The following AGAP1 variants were observed in gnomAD, a reference collection of about 807,000 sequenced individuals.
AGAP1 encodes ArfGAP with GTPase domain, ankyrin repeat and PH domain 1.
Under a neutral mutation model 105.3 loss-of-function variants are expected in AGAP1, and 29 were observed. That is an observed-to-expected ratio of 0.28 (90% CI 0.21 to 0.38). AGAP1 has a LOEUF of 0.38. Ranked by LOEUF, AGAP1 falls within the 10% of genes least tolerant of loss-of-function variation. The probability of loss-of-function intolerance (pLI) is 1.00; values close to 1 mark genes in which losing one functional copy is unlikely to be tolerated. For synonymous variants in AGAP1, 509 were observed against 485.9 expected, an observed-to-expected ratio of 1.05 and a Z score of -0.63; for missense variants, 998 against 1,165.1, an observed-to-expected ratio of 0.86 and a Z score of 2.09.
rs545295075 is a variant in AGAP1, at chr2:235,700,239, G to A, written c.164-8940G>A. Among the ~76,000 whole-genome samples, 1 of 152,320 alleles carries A rather than the reference G, an allele frequency of 6.6e-6. No individual in the cohort carries two copies. Among genetic ancestry groups the A allele is most frequent in the South Asian group, 2.1e-4 (1 of 4,822 alleles). ...GGAACACAGTTCTTCTGAAGGAAATGCGGAAGATAATCCCAGCAGTGCAGG... is the reference window on the plus strand; with the variant it reads ...GGAACACAGTTCTTCTGAAGGAAATACGGAAGATAATCCCAGCAGTGCAGG... On this transcript the variant is annotated intron_variant, in intron 1 of 17. Coordinates refer to ENST00000304032, the MANE Select transcript of AGAP1 (RefSeq NM_001037131.3). This position sits in a 1 kb window ranked among gnomAD's most constrained non-coding sequence, Gnocchi z 6.1.
intron 15 of AGAP1, among the ~76,000 whole-genome samples, chr2:236,043,211 G>A (rs1362213369): frequency 1.3e-5 from 2 of 152,206 alleles, no homozygotes; most frequent in Non-Finnish European, 2.9e-5. Context: ...TTTCGACAAT[G>A]TATATAAAAA....
intron 11 of AGAP1, among the ~76,000 whole-genome samples, chr2:235,926,108 G>A (rs1181679531): frequency 1.3e-5 from 2 of 152,166 alleles, no homozygotes; most frequent in Admixed American, 1.3e-4. Context: ...TAACAAAACT[G>A]GATGCCAGGA....
rs1454705920 is a variant in AGAP1, at chr2:235,586,401, A to G, written c.163+91552A>G. On this transcript the variant is annotated intron_variant, in intron 1 of 17. Coordinates refer to ENST00000304032, the MANE Select transcript of AGAP1 (RefSeq NM_001037131.3). This position sits in a 1 kb window ranked among gnomAD's most constrained non-coding sequence, Gnocchi z 4.2. ...AAAGAGACGGATGTTGAGCCTGAAG[A>G]GGCTGTGACCTCCCCAAATACTCGG... Among the ~76,000 whole-genome samples the G allele has an allele frequency of 1.3e-5, 2 of 152,190 alleles. No homozygotes were observed. Among genetic ancestry groups the G allele is most frequent in the Non-Finnish European group, 2.9e-5 (2 of 68,030 alleles).
intron 1 of AGAP1, among the ~76,000 whole-genome samples, chr2:235,572,938 CGA>C: frequency 6.6e-6 from 1 of 152,168 alleles, no homozygotes; most frequent in African/African-American, 2.4e-5. Flanking sequence ...AGAAGCAGCA[CGA>C]GAGTTGCTGT....
chr2:236,086,803 T>C (rs988215400), intron 16 of AGAP1, among the ~76,000 whole-genome samples: 1 of 152,140 alleles, frequency 6.6e-6, no homozygotes, highest in Non-Finnish European at 1.5e-5. Context: ...TCGGCCTTAT[T>C]TCTTTCTTTC....
chr2:235,518,403 A>G (rs1422543089), intron 1 of AGAP1, among the ~76,000 whole-genome samples: 1 of 152,234 alleles, frequency 6.6e-6, no homozygotes, highest in African/African-American at 2.4e-5. Flanking sequence ...AAAATTGGCA[A>G]TCAACCAAAT....
rs2054203061 is a variant in AGAP1, at chr2:235,961,901, G to A, written c.1484-6561G>A. Among the ~76,000 whole-genome samples the A allele has an allele frequency of 6.6e-6, 1 of 152,194 alleles. No homozygotes were observed. Among genetic ancestry groups the A allele is most frequent in the Non-Finnish European group, 1.5e-5 (1 of 68,030 alleles). ...ACAAAAAAGTGAGATGACAGCTCAT[G>A]TTTAGTGCCGGGTGCTGGGTGAGCG... is the stretch of plus-strand genomic sequence containing the variant. On this transcript the variant is annotated intron_variant, in intron 12 of 17. Transcript: ENST00000304032. The surrounding 1 kb of genome is among the most constrained non-coding windows in gnomAD (Gnocchi z 5.9).
chr2:235,717,434 C>A, intron 2 of AGAP1, 123 bp from the exon 3 acceptor site: 1 of 703,684 alleles, frequency 1.4e-6, no homozygotes, highest in Non-Finnish European at 2.3e-6. Flanking sequence ...TGTTTTTGGC[C>A]ATCCAGCCAG....
In AGAP1 at chr2:235,964,848, G is replaced by A. The variant is rs748124679; in HGVS notation, c.1484-3614G>A. On this transcript the variant is annotated intron_variant, in intron 12 of 17. Coordinates refer to ENST00000304032, the MANE Select transcript of AGAP1 (RefSeq NM_001037131.3). The surrounding 1 kb of genome is among the most constrained non-coding windows in gnomAD (Gnocchi z 4.6). ...GGAGCTGGCCGCACAGTCTAGGCTT[G>A]GGGGTAAGGTAAGAACTGGACCAGG... 2.6e-5 allele frequency among the ~76,000 whole-genome samples: 4 copies of A among 152,180 alleles called. No individual in the cohort carries two copies. Among genetic ancestry groups the A allele is most frequent in the Non-Finnish European group, 5.9e-5 (4 of 68,028 alleles).
chr2:236,068,770 A>T (rs923505981), intron 16 of AGAP1, among the ~76,000 whole-genome samples: 2 of 143,400 alleles, frequency 1.4e-5, no homozygotes, highest in African/African-American at 5.3e-5. Flanking sequence ...ACTGCACTCC[A>T]GCCTGGGCGA....
intron 1 of AGAP1, among the ~76,000 whole-genome samples, chr2:235,520,689 T>C (rs1474244043): frequency 6.6e-6 from 1 of 152,202 alleles, no homozygotes; most frequent in East Asian, 1.9e-4. Flanking sequence ...TTGTTTAAGA[T>C]GAGATAATTC....
At position 236,050,385 on chromosome 2, in the gene AGAP1, G is replaced by A; in HGVS notation, c.2114+1104G>A. 6.6e-6 allele frequency among the ~76,000 whole-genome samples: 1 copy of A among 152,184 alleles called. No individual in the cohort carries two copies. Among genetic ancestry groups the A allele is most frequent in the East Asian group, 1.9e-4 (1 of 5,192 alleles). On this transcript the variant is annotated intron_variant, in intron 16 of 17. Coordinates refer to ENST00000304032, the MANE Select transcript of AGAP1 (RefSeq NM_001037131.3). The surrounding 1 kb of genome is among the most constrained non-coding windows in gnomAD (Gnocchi z 4.0). ...CTTTGGTAGTGGGGAGGACAGGAAA[G>A]GTGCAAAGAACATATTTGTTTAAAA... is the stretch of plus-strand genomic sequence containing the variant.
intron 1 of AGAP1, among the ~76,000 whole-genome samples, chr2:235,591,818 A>G (rs1301183568): frequency 1.3e-5 from 2 of 152,052 alleles, no homozygotes; most frequent in African/African-American, 4.8e-5. Flanking sequence ...TTAGGTGCCA[A>G]GAGACCTGGT....
chr2:235,819,116 TC>T (rs1407329831), intron 9 of AGAP1, among the ~76,000 whole-genome samples: 886 of 81,890 alleles, frequency 0.011, 10 homozygotes, highest in African/African-American at 0.029. Context: ...TCTTTTCTTT[TC>T]TTTTTTTTTT....
At chr2:235,647,659 A>T (rs1947436524) in intron 1 of AGAP1, among the ~76,000 whole-genome samples, 1 of 152,152 alleles carries the variant, frequency 6.6e-6, no homozygotes, top group Non-Finnish European at 1.5e-5. Flanking sequence ...AAATGCTGAG[A>T]TTATGGGCAT....
At chr2:235,641,432 C>G (rs1018353416) in intron 1 of AGAP1, among the ~76,000 whole-genome samples, 1 of 150,402 alleles carries the variant, frequency 6.6e-6, no homozygotes, top group African/African-American at 2.5e-5. Flanking sequence ...CTCCCCGACC[C>G]GATTTTTTTT....
At chr2:236,122,137 G>C (rs998639906) in intron 17 of AGAP1, among the ~76,000 whole-genome samples, 3 of 152,014 alleles carry the variant, frequency 2.0e-5, no homozygotes, top group Non-Finnish European at 4.4e-5. Flanking sequence ...AAATTTTGTA[G>C]ACTTACGTTC....
rs1200268072 is a variant in AGAP1 at position 236,119,007 on chromosome 2, A to G, written c.2115-1185A>G. On this transcript the variant is annotated intron_variant, in intron 16 of 17. Transcript: ENST00000304032. This position sits in a 1 kb window ranked among gnomAD's most constrained non-coding sequence, Gnocchi z 6.6. ...TGCCTTACTGTTGGTTTCCTCTTCT[A>G]TTTGTTAAGCTTCTCATCTCATCCT... 6.6e-6 allele frequency among the ~76,000 whole-genome samples: 1 copy of G among 151,874 alleles called. No homozygotes were observed. Among genetic ancestry groups the G allele is most frequent in the African/African-American group, 2.4e-5 (1 of 41,326 alleles).
At position 235,701,472 on chromosome 2, in the gene AGAP1, G is replaced by A. The variant is rs545479777; in HGVS notation, c.164-7707G>A. On this transcript the variant is annotated intron_variant, in intron 1 of 17. Transcript: ENST00000304032. The surrounding 1 kb of genome is among the most constrained non-coding windows in gnomAD (Gnocchi z 4.1). ...AGGGCCTGGTGAATGGCAAGGTCAG[G>A]GGATGCTGTCCGGACATGTCAGGAT... is the stretch of plus-strand genomic sequence containing the variant. Among the ~76,000 whole-genome samples the A allele has an allele frequency of 1.3e-5, 2 of 152,266 alleles. No homozygotes were observed. Among genetic ancestry groups the A allele is most frequent in the African/African-American group, 4.8e-5 (2 of 41,550 alleles).
Sources: gnomAD v4.1 joint callset for allele counts (sites outside exome capture counted in the v4.1 genomes callset) on GRCh38, gnomAD v4.1.1 for gene constraint, Gnocchi (gnomAD v3.1) non-coding constraint, MANE v1.5 for transcripts, NCBI Gene and HGNC (gene_info 2026-07-23, HGNC 2026-07-21) for gene names.